The following ROBO2 variants were observed in gnomAD, a reference collection of about 807,000 sequenced individuals.
ROBO2 encodes the protein roundabout guidance receptor 2.
In ROBO2, 53 loss-of-function variants were observed where a neutral mutation model predicts 160.8. The observed-to-expected ratio is 0.33, with a 90% CI of 0.26 to 0.41. ROBO2 has a LOEUF of 0.41. ROBO2 is among the 10% of genes least tolerant of loss of function. The pLI, the probability that ROBO2 is intolerant of heterozygous loss-of-function variation, is 1.00. For synonymous variants in ROBO2, 664 were observed against 611.7 expected (o/e 1.09, Z -1.26); for missense variants, 1,577 against 1,722.4 (o/e 0.92, Z 1.49).
At chr3:77,424,972 T>G (rs2078043066) in intron 2 of ROBO2, among the ~76,000 whole-genome samples, 1 of 152,160 alleles carries the variant, frequency 6.6e-6, no homozygotes, top group South Asian at 2.1e-4. Flanking sequence ...TCCCGATTAA[T>G]GTGAATTGGA....
intron 1 of ROBO2, among the ~76,000 whole-genome samples, chr3:77,042,154 TAGTG>T (rs2064165514): frequency 6.6e-6 from 1 of 152,216 alleles, no homozygotes; most frequent in East Asian, 1.9e-4. Context: ...CCCCCAGCGA[TAGTG>T]AGGGAGGGAT....
intron 2 of ROBO2, among the ~76,000 whole-genome samples, chr3:76,759,732 G>T (rs951409499): frequency 6.6e-6 from 1 of 151,744 alleles, no homozygotes; most frequent in Admixed American, 6.6e-5. Flanking sequence ...TTGCCTAGGG[G>T]TTAAGAAACA....
At chr3:76,354,939 A>G (rs771650918) in intron 2 of ROBO2, among the ~76,000 whole-genome samples, 1 of 151,796 alleles carries the variant, frequency 6.6e-6, no homozygotes, top group Non-Finnish European at 1.5e-5. Flanking sequence ...TTCCTATTTC[A>G]CAGAACTGTT....
At chr3:77,579,969 C>T (rs757220665) in exon 16 of ROBO2, 2 of 1,613,348 alleles carry the variant, frequency 1.2e-6, no homozygotes, top group Non-Finnish European at 1.7e-6. Context: ...GGAAATGAAA[C>T]GCGATTCCAT....
At chr3:76,639,893 G>A (rs1387422860) in intron 2 of ROBO2, among the ~76,000 whole-genome samples, 1 of 152,164 alleles carries the variant, frequency 6.6e-6, no homozygotes, top group Non-Finnish European at 1.5e-5. Flanking sequence ...ATAGTGAAGA[G>A]CTAATCTAAC....
intron 2 of ROBO2, among the ~76,000 whole-genome samples, chr3:77,133,191 G>T (rs546420016): frequency 2.0e-4 from 31 of 152,246 alleles, no homozygotes; most frequent in African/African-American, 7.5e-4. Flanking sequence ...GGAGCAAAAA[G>T]CTGTTAGAGA....
At chr3:77,546,270 T>C in intron 6 of ROBO2, 68 bp from the exon 8 acceptor site, 1 of 1,555,038 alleles carries the variant, frequency 6.4e-7, no homozygotes, top group South Asian at 1.1e-5. Flanking sequence ...GTACCATATT[T>C]TCTCCTTGAC....
intron 2 of ROBO2, among the ~76,000 whole-genome samples, chr3:76,126,766 A>G (rs975345870): frequency 3.3e-5 from 5 of 152,136 alleles, no homozygotes; most frequent in Non-Finnish European, 7.3e-5. Context: ...TAGATCTACT[A>G]TTGGATATTC....
chr3:77,157,866 A>G (rs913011302), intron 2 of ROBO2, among the ~76,000 whole-genome samples: 20 of 152,052 alleles, frequency 1.3e-4, no homozygotes, highest in Admixed American at 1.2e-3. Context: ...TAAATTTCTC[A>G]GGGGAGTTGT....
intron 2 of ROBO2, among the ~76,000 whole-genome samples, chr3:76,644,609 T>C (rs1471159545): frequency 2.0e-5 from 3 of 152,168 alleles, no homozygotes; most frequent in East Asian, 3.9e-4. Context: ...TAGGACTAAC[T>C]TGAAGTCTTC....
At chr3:75,936,870 G>A (rs1947805026) in intron 1 of ROBO2, among the ~76,000 whole-genome samples, 1 of 151,796 alleles carries the variant, frequency 6.6e-6, no homozygotes, top group Non-Finnish European at 1.5e-5. Context: ...GTTCCTGTGG[G>A]TTATATATCT....
chr3:76,800,195 T>A (rs896496317), intron 2 of ROBO2, among the ~76,000 whole-genome samples: 1 of 152,156 alleles, frequency 6.6e-6, no homozygotes, highest in African/African-American at 2.4e-5. Flanking sequence ...AAGATGTCCA[T>A]CTCTTGCCAT....
exon 26 of ROBO2, chr3:77,649,160 G>C (rs941987124): frequency 6.6e-6 from 1 of 152,118 alleles, no homozygotes; most frequent in Non-Finnish European, 1.5e-5. Context: ...CAGTTCAAGG[G>C]AGAATGTAGA....
intron 2 of ROBO2, among the ~76,000 whole-genome samples, chr3:76,215,993 G>C: frequency 6.6e-6 from 1 of 152,166 alleles, no homozygotes. Flanking sequence ...AGAAGAGAGT[G>C]GGGGTCAATA....
At chr3:76,244,222 A>T (rs1051353691) in intron 2 of ROBO2, among the ~76,000 whole-genome samples, 6 of 152,242 alleles carry the variant, frequency 3.9e-5, no homozygotes, top group Admixed American at 2.0e-4. Context: ...GAGACTGCTC[A>T]GATGTAGCAA....
intron 2 of ROBO2, among the ~76,000 whole-genome samples, chr3:77,010,061 C>G (rs1436528926): frequency 1.3e-5 from 2 of 151,776 alleles, no homozygotes; most frequent in East Asian, 3.9e-4. Context: ...AACTTAATTG[C>G]CATAAATAAT....
chr3:76,745,917 T>C (rs2093881453), intron 2 of ROBO2, among the ~76,000 whole-genome samples: 1 of 150,930 alleles, frequency 6.6e-6, no homozygotes, highest in Admixed American at 6.6e-5. Context: ...TGTGCCATGC[T>C]GGTGTGCTGC....
Position 77,164,596 on chromosome 3 carries a change from C to T in ROBO2, c.388+66256C>T, listed in dbSNP as rs1400693332. 4.4e-5 allele frequency among the ~76,000 whole-genome samples: 6 copies of T among 135,216 alleles called. No individual in the cohort carries two copies. In the South Asian group the frequency reaches 7.3e-4, roughly 16 times the overall value. The allele number at this position is 135,216 out of a possible 152,430, so 88.7% of individuals were successfully genotyped here. On this transcript the variant is annotated intron_variant, in intron 2 of 25. Coordinates refer to ENST00000461745, the Ensembl canonical transcript of ROBO2. ...CCGGGAGGTGAGGGGCGCCTCTGCC[C>T]GGCTGCCCCTACTGGGAAGTGAGGA...
intron 2 of ROBO2, among the ~76,000 whole-genome samples, chr3:76,754,154 G>A (rs1468527241): frequency 2.6e-5 from 4 of 151,822 alleles, no homozygotes; most frequent in African/African-American, 4.8e-5. Context: ...TAATAGCTGT[G>A]ATTTCAAACA....
Sources: allele counts gnomAD v4.1 joint callset (sites outside exome capture counted in the v4.1 genomes callset), GRCh38; gene constraint gnomAD v4.1.1; transcripts MANE v1.5; gene names NCBI Gene and HGNC (gene_info 2026-07-23, HGNC 2026-07-21).